Variants in ATR observed in about 807,000 individuals in gnomAD.
ATR encodes serine/threonine-protein kinase ATR.
ATR carries 142 observed loss-of-function variants against 305.3 expected under a neutral mutation model. The observed-to-expected ratio is 0.47, with a 90% CI of 0.41 to 0.53. The LOEUF (loss-of-function observed/expected upper bound fraction) is 0.53. Ranked by LOEUF, ATR falls within the 20% of genes least tolerant of loss-of-function variation. The pLI, the probability that ATR is intolerant of heterozygous loss-of-function variation, is 0.00. For missense variants in ATR, 2,135 were observed against 3,133.1 expected, an observed-to-expected ratio of 0.68 and a Z score of 7.60; for synonymous variants, 1,050 against 1,068.1, an observed-to-expected ratio of 0.98 and a Z score of 0.33.
At chr3:142,491,583 G>A (rs2031282813) in intron 35 of ATR, among the ~76,000 whole-genome samples, 1 of 152,144 alleles carries the variant, frequency 6.6e-6, no homozygotes, top group South Asian at 2.1e-4. Context: ...TAACTGGGAA[G>A]GTGAAACTTA....
intron 31 of ATR, chr3:142,499,158 G>C (rs2031811819): frequency 2.6e-6 from 1 of 390,448 alleles, no homozygotes; most frequent in African/African-American, 2.1e-5. Context: ...TGAGATTACA[G>C]GTGTGAGCCA....
At position 142,562,511 on chromosome 3, in the gene ATR, C is replaced by G. The variant is rs2229033; in HGVS notation, c.891G>C (p.Lys297Asn). Residue 297 changes from lysine to asparagine, a missense_variant, in exon 4 of 47, where the codon AAG (lysine) becomes AAC (asparagine). Transcript: ENST00000350721. ...QLKLYEEPLS[K>N]LIKTLFPFEA... is the part of the protein sequence containing the mutation. ...CAAAGGGAAATAGTGTCTTTATCAGCTTTGATAATGGCTCTTCATAGAGTT... is the reference window on the plus strand; with the variant it reads ...CAAAGGGAAATAGTGTCTTTATCAGGTTTGATAATGGCTCTTCATAGAGTT... 0.012 allele frequency: 19,795 copies of G among 1,613,860 alleles called. 151 individuals are homozygous for G. Among genetic ancestry groups the G allele is most frequent in the Non-Finnish European group, 0.014 (16,941 of 1,179,888 alleles).
At chr3:142,525,715 C>CCA (rs151300681) in intron 21 of ATR, among the ~76,000 whole-genome samples, 2,724 of 152,170 alleles carry the variant, frequency 0.018, 28 homozygotes, top group South Asian at 0.041. Context: ...GAGCTGGACT[C>CCA]CATTAGTTCA....
chr3:142,469,732 C>T (rs1319735947), intron 37 of ATR, among the ~76,000 whole-genome samples, 163 bp from the exon 38 acceptor site: 3 of 152,126 alleles, frequency 2.0e-5, no homozygotes, highest in Non-Finnish European at 2.9e-5. Context: ...ATAGTTGTCT[C>T]TGTCCAACCA....
chr3:142,574,882 T>C (rs556414937), intron 1 of ATR, among the ~76,000 whole-genome samples: 1 of 152,176 alleles, frequency 6.6e-6, no homozygotes, highest in Non-Finnish European at 1.5e-5. Flanking sequence ...CTGGAAACTG[T>C]AAGAGGCTCT....
chr3:142,566,642 A>G (rs2035083082), intron 2 of ATR, among the ~76,000 whole-genome samples: 2 of 146,592 alleles, frequency 1.4e-5, no homozygotes, highest in Middle Eastern at 3.2e-3. Context: ...AAAAAAAAAA[A>G]CAAAAAGTGG....
chr3:142,451,713 G>C, intron 46 of ATR: 1 of 1,181,078 alleles, frequency 8.5e-7, no homozygotes, highest in Non-Finnish European at 1.1e-6. Context: ...CCAAGTAGCT[G>C]GGACTACAGG....
chr3:142,472,085 T>TTTGTGTG (rs3223772), intron 36 of ATR: 3 of 144,126 alleles, frequency 2.1e-5, no homozygotes, highest in Non-Finnish European at 4.5e-5. Flanking sequence ...TAGTATTCCA[T>TTTGTGTG]TGTGTGTGTG....
At chr3:142,572,074 T>C (rs2035284547) in intron 1 of ATR, among the ~76,000 whole-genome samples, 1 of 150,422 alleles carries the variant, frequency 6.6e-6, no homozygotes, top group Non-Finnish European at 1.5e-5. Context: ...CCCTTTTTCT[T>C]TTTTTTTTCT....
chr3:142,542,497 G>T (rs11920625), intron 17 of ATR, among the ~76,000 whole-genome samples, 168 bp downstream of exon 17: 1 of 152,040 alleles, frequency 6.6e-6, no homozygotes, highest in Non-Finnish European at 1.5e-5. Flanking sequence ...GAAATGAAAC[G>T]AATACAATTC....
At chr3:142,563,995 C>A (rs2034973978) in intron 3 of ATR, among the ~76,000 whole-genome samples, 1 of 152,320 alleles carries the variant, frequency 6.6e-6, no homozygotes, top group Middle Eastern at 3.4e-3. Context: ...CCAGCCACAA[C>A]ATTCCCTTAA....
chr3:142,496,557 T>C (rs758433158), intron 33 of ATR, 37 bp from the exon 34 acceptor site: 10 of 1,587,368 alleles, frequency 6.3e-6, no homozygotes, highest in South Asian at 2.2e-5. Context: ...AGAGAGACCA[T>C]TGGTAAGTGT....
At chr3:142,572,371 A>ATT (rs2035298182) in intron 1 of ATR, among the ~76,000 whole-genome samples, 7 of 49,000 alleles carry the variant, frequency 1.4e-4, no homozygotes, top group African/African-American at 2.7e-4. Context: ...GCCCGGCCTG[A>ATT]CTTTTTTTTT....
Position 142,566,130 on chromosome 3 carries a change from T to C in ATR, c.283A>G (p.Ser95Gly), listed in dbSNP as rs1275079272. ...GAATAACAGCACTTACCAATACAAC[T>C]GCCTTTGGCCTCATGGCTTCCACTC... ...NVSGSHEAKG[S>G]CIEFSNWIIT... The change falls in exon 3 of 47, where the codon AGT (serine) becomes GGT (glycine). Residue 95 changes from serine (S) to glycine (G), a missense_variant. Coordinates refer to ENST00000350721, the MANE Select transcript of ATR (RefSeq NM_001184.4). The C allele has an allele frequency of 1.2e-6, 2 of 1,614,174 alleles. No homozygotes were observed. Among genetic ancestry groups the C allele is most frequent in the South Asian group, 1.1e-5 (1 of 91,086 alleles).
chr3:142,577,273 T>C (rs2035470684), intron 1 of ATR, among the ~76,000 whole-genome samples: 1 of 152,176 alleles, frequency 6.6e-6, no homozygotes, highest in South Asian at 2.1e-4. Context: ...CAAGAACCAA[T>C]TATTTTTATT....
chr3:142,476,719 T>C (rs2071464541), intron 36 of ATR, among the ~76,000 whole-genome samples: 2 of 152,164 alleles, frequency 1.3e-5, no homozygotes, highest in African/African-American at 2.4e-5. Context: ...ATTCTTCCTA[T>C]CCATGAGCAT....
intron 39 of ATR, among the ~76,000 whole-genome samples, 184 bp from the exon 40 acceptor site, chr3:142,466,717 T>C (rs2071140454): frequency 6.6e-6 from 1 of 152,164 alleles, no homozygotes; most frequent in South Asian, 2.1e-4. Flanking sequence ...CATCATAGGA[T>C]TGTTTAATGA....
intron 40 of ATR, 37 bp downstream of exon 40, chr3:142,466,287 A>G (rs1409674835): frequency 6.3e-7 from 1 of 1,576,426 alleles, no homozygotes; most frequent in African/African-American, 1.3e-5. Context: ...TTAACAACTA[A>G]ATTTTAAAAT....
chr3:142,559,519 G>C, intron 6 of ATR, 78 bp from the exon 7 acceptor site: 1 of 1,423,156 alleles, frequency 7.0e-7, no homozygotes, highest in Non-Finnish European at 9.8e-7. Flanking sequence ...TTGTAGTAAA[G>C]CCAAAAGAAA....
Sources: gnomAD v4.1 joint callset for allele counts (sites outside exome capture counted in the v4.1 genomes callset) on GRCh38, gnomAD v4.1.1 for gene constraint, MANE v1.5 for transcripts, NCBI Gene and HGNC (gene_info 2026-07-23, HGNC 2026-07-21) for gene names.